Variants in NECTIN3 observed in about 807,000 individuals in gnomAD.
The protein encoded by NECTIN3 is nectin cell adhesion molecule 3.
Under a neutral mutation model 49.4 loss-of-function variants are expected in NECTIN3, and 8 were observed. That is an observed-to-expected ratio of 0.16 (90% CI 0.10 to 0.29). The LOEUF (loss-of-function observed/expected upper bound fraction) is 0.29. NECTIN3 is among the 10% of genes least tolerant of loss of function. NECTIN3 has a pLI of 1.00. For missense variants in NECTIN3, 581 were observed against 654.6 expected (o/e 0.89, Z 1.23); for synonymous variants, 277 against 241.1 (o/e 1.15, Z -1.38).
At chr3:111,159,024 A>G (rs544633168) in intron 7 of NECTIN3, among the ~76,000 whole-genome samples, 6 of 152,314 alleles carry the variant, frequency 3.9e-5, no homozygotes, top group Non-Finnish European at 5.9e-5. Flanking sequence ...TTAAACCACA[A>G]TGAATTGCCA....
downstream of NECTIN3, among the ~76,000 whole-genome samples, chr3:111,137,769 CTTTTTTTTT>C (rs3081495): frequency 1.0e-5 from 1 of 100,044 alleles, no homozygotes; most frequent in Non-Finnish European, 2.2e-5. Context: ...AAATTTTTTC[CTTTTTTTTT>C]TTTTTTTTTT....
chr3:111,139,761 C>T (rs867201041), downstream of NECTIN3, among the ~76,000 whole-genome samples: 1 of 151,646 alleles, frequency 6.6e-6, no homozygotes, highest in Non-Finnish European at 1.5e-5. Context: ...TTTAAGTGTA[C>T]CTCCCAGTTC....
chr3:111,121,916 TG>T (rs34152825), intron 3 of NECTIN3, among the ~76,000 whole-genome samples: 5 of 152,160 alleles, frequency 3.3e-5, no homozygotes, highest in Non-Finnish European at 7.4e-5. Flanking sequence ...ATTGCCTGTT[TG>T]GGGGGTACTC....
chr3:111,096,681 G>A lies in NECTIN3; in HGVS notation c.161-15349G>A, dbSNP rs985467067. On this transcript the variant is annotated intron_variant, in intron 1 of 5. Coordinates refer to ENST00000485303, the MANE Select transcript of NECTIN3 (RefSeq NM_015480.3). ...CGTCCCAGCCGCTCCAGCCGTGACT[G>A]AAAGTGGCCAAGGTACAGCTCGGGC... Among the ~76,000 whole-genome samples the A allele has an allele frequency of 5.3e-5, 8 of 152,156 alleles. No individual in the cohort carries two copies. In the East Asian group the frequency reaches 1.5e-3, roughly 29 times the overall value.
rs1232018403 is a variant in NECTIN3, at chr3:111,080,323, A to G, written c.160+8146A>G. Among the ~76,000 whole-genome samples, 3 of 152,066 alleles carry G rather than the reference A, an allele frequency of 2.0e-5. No homozygotes were observed. The East Asian group carries it at 5.8e-4, about 29-fold the overall frequency. ...ATCTGGGCATTGATATATTTTCTTT[A>G]TATTTATAGTTAATAGTAAAAATGT... On this transcript the variant is annotated intron_variant, in intron 1 of 5. Transcript: ENST00000485303.
exon 7 of NECTIN3, chr3:111,147,440 T>C (rs1302049951): frequency 1.3e-6 from 2 of 1,533,772 alleles, no homozygotes; most frequent in Admixed American, 2.0e-5. Flanking sequence ...ACCTCCTCTG[T>C]ATGAAGAACG....
chr3:111,192,108 A>G (rs2035822725), upstream of NECTIN3, among the ~76,000 whole-genome samples: 1 of 152,222 alleles, frequency 6.6e-6, no homozygotes, highest in Non-Finnish European at 1.5e-5. Flanking sequence ...CTAGGATTAC[A>G]GGCAAGAGCC....
chr3:111,153,865 T>C (rs959688932), intron 7 of NECTIN3, among the ~76,000 whole-genome samples: 6 of 152,096 alleles, frequency 3.9e-5, no homozygotes, highest in African/African-American at 1.4e-4. Context: ...ATATTTAATA[T>C]GTGCTAGCAC....
At chr3:111,111,898 CATGTGTGTGTGT>C (rs1181589942) in intron 1 of NECTIN3, 120 bp from the exon 2 acceptor site, 24 of 418,918 alleles carry the variant, frequency 5.7e-5, no homozygotes, top group East Asian at 4.8e-4. Flanking sequence ...TGTGTGTGTG[CATGTGTGTGTGT>C]GTGTGTGTGT....
chr3:111,077,270 G>A (rs1441282257), intron 1 of NECTIN3: 2 of 407,680 alleles, frequency 4.9e-6, no homozygotes, highest in Non-Finnish European at 9.9e-6. Context: ...GGGAAGACCT[G>A]TTGCATTGTG....
chr3:111,155,558 AT>A (rs2107515910), intron 7 of NECTIN3, among the ~76,000 whole-genome samples: 1 of 152,350 alleles, frequency 6.6e-6, no homozygotes, highest in South Asian at 2.1e-4. Flanking sequence ...CTGAACTATT[AT>A]AAATGTTTAG....
chr3:111,110,908 G>GTT (rs556907235), intron 1 of NECTIN3, among the ~76,000 whole-genome samples: 1 of 151,126 alleles, frequency 6.6e-6, no homozygotes, highest in Non-Finnish European at 1.5e-5. Flanking sequence ...ATTGCATAAA[G>GTT]TTTTTTTTTA....
intron 5 of NECTIN3, among the ~76,000 whole-genome samples, chr3:111,127,738 A>AT (rs1182878289): frequency 2.0e-5 from 3 of 151,486 alleles, no homozygotes; most frequent in South Asian, 2.1e-4. Flanking sequence ...TAATTTTTGT[A>AT]TTTTTTGTAG....
downstream of NECTIN3, among the ~76,000 whole-genome samples, chr3:111,142,312 G>A (rs1336757262): frequency 1.3e-5 from 2 of 151,728 alleles, no homozygotes; most frequent in African/African-American, 4.8e-5. Context: ...TTCATAGCTA[G>A]TTTTTCCTCC....
intron 4 of NECTIN3, among the ~76,000 whole-genome samples, chr3:111,123,787 C>G (rs2034050213): frequency 6.6e-6 from 1 of 152,104 alleles, no homozygotes; most frequent in Non-Finnish European, 1.5e-5. Flanking sequence ...CCCTGAAGTA[C>G]AACTTTTCAA....
chr3:111,179,081 A>T (rs2035583023), intron 7 of NECTIN3, among the ~76,000 whole-genome samples: 1 of 152,230 alleles, frequency 6.6e-6, no homozygotes, highest in Non-Finnish European at 1.5e-5. Flanking sequence ...GTCAGTCCTT[A>T]TAAGTTGTAA....
In NECTIN3 at chr3:111,104,313, CT is replaced by C. The variant is rs935543116; in HGVS notation, c.161-7694del. 8.1e-3 allele frequency among the ~76,000 whole-genome samples: 726 copies of C among 89,290 alleles called. 4 individuals are homozygous for C. The highest frequency in any genetic ancestry group is 0.022 in the African/African-American group (502 of 22,890). 58.6% of individuals were successfully genotyped at this position (89,290 alleles called of 152,430 possible). A position where few individuals can be genotyped will look rare whatever the true frequency, so the allele number is the denominator to read the frequency against. ...TATCTTTGGTGATGTCTGTTCAGAT[CT>C]TTTTTTTTTTTTTTTTTTTTTTGAG... On this transcript the variant is annotated intron_variant, in intron 1 of 5. Transcript: ENST00000485303.
rs1453114510 is a variant in NECTIN3 at position 111,136,444 on chromosome 3, A to G, written c.*2229A>G. 1.0e-6 allele frequency: 1 copy of G among 984,196 alleles called. No individual in the cohort carries two copies. The highest frequency in any genetic ancestry group is 1.2e-6 in the Non-Finnish European group (1 of 829,022). The allele number at this position is 984,196 out of a possible 1,614,324, so 61.0% of individuals were successfully genotyped here. The stretch of plus-strand genomic sequence containing the variant: ...TTGACATATTCTGTATCCTTAATCC[A>G]ATCATTTGGCAAACTAAAAGGTTTC... On this transcript the variant is annotated 3_prime_UTR_variant, in exon 6 of 6. Transcript: ENST00000485303.
At chr3:111,179,729 C>T (rs1228148645) in intron 7 of NECTIN3, among the ~76,000 whole-genome samples, 1 of 151,976 alleles carries the variant, frequency 6.6e-6, no homozygotes, top group Non-Finnish European at 1.5e-5. Context: ...CCCGTCTCTA[C>T]TAAAAATACA....
Sources: allele counts gnomAD v4.1 joint callset (sites outside exome capture counted in the v4.1 genomes callset), GRCh38; gene constraint gnomAD v4.1.1; transcripts MANE v1.5; gene names NCBI Gene and HGNC (gene_info 2026-07-23, HGNC 2026-07-21).